Variants in LRRC7 observed in about 807,000 individuals in gnomAD.
LRRC7 encodes the protein leucine-rich repeat-containing protein 7.
A neutral mutation model predicts 175.7 loss-of-function variants in LRRC7; 23 were observed. The observed-to-expected ratio is 0.13, with a 90% confidence interval of 0.09 to 0.19. The LOEUF is 0.19. Ranked by LOEUF, LRRC7 falls within the 10% of genes least tolerant of loss-of-function variation. LRRC7 has a pLI of 1.00. For synonymous variants in LRRC7, 685 were observed against 680.9 expected, an observed-to-expected ratio of 1.01 and a Z score of -0.09; for missense variants, 1,354 against 1,904.7, an observed-to-expected ratio of 0.71 and a Z score of 5.38.
chr1:69,568,714 G>C (rs939294741), intron 1 of LRRC7, 73 bp downstream of exon 1: 185 of 1,178,496 alleles, frequency 1.6e-4, no homozygotes, highest in Admixed American at 1.8e-4. Flanking sequence ...AGGCGCGCGA[G>C]GTGTGGGACC....
At chr1:69,856,597 G>A (rs999834142) in intron 7 of LRRC7, among the ~76,000 whole-genome samples, 14 of 152,242 alleles carry the variant, frequency 9.2e-5, no homozygotes, top group African/African-American at 3.4e-4. Flanking sequence ...CCAATAACAG[G>A]CTGTGAAATT....
intron 8 of LRRC7, among the ~76,000 whole-genome samples, chr1:69,965,651 T>C (rs961125314): frequency 6.6e-6 from 1 of 152,092 alleles, no homozygotes; most frequent in African/African-American, 2.4e-5. Flanking sequence ...CATTTTAATG[T>C]GATGGGCTTC....
At chr1:70,051,152 C>A (rs556432867) in intron 22 of LRRC7, among the ~76,000 whole-genome samples, 1 of 151,980 alleles carries the variant, frequency 6.6e-6, no homozygotes, top group Admixed American at 6.6e-5. Context: ...ATTTGTAATT[C>A]TCAGTTTCTC....
intron 1 of LRRC7, among the ~76,000 whole-genome samples, chr1:69,659,994 A>G (rs894344364): frequency 6.6e-6 from 1 of 152,100 alleles, no homozygotes; most frequent in African/African-American, 2.4e-5. Flanking sequence ...AAATGCAAAT[A>G]TAATATTCTG....
At chr1:69,882,413 T>C (rs1686710743) in intron 7 of LRRC7, among the ~76,000 whole-genome samples, 1 of 152,192 alleles carries the variant, frequency 6.6e-6, no homozygotes, top group Non-Finnish European at 1.5e-5. Context: ...AGTCCCATGT[T>C]CATTGCAGGA....
intron 7 of LRRC7, among the ~76,000 whole-genome samples, chr1:69,916,279 A>G (rs1335414143): frequency 3.7e-5 from 5 of 134,484 alleles, no homozygotes; most frequent in Non-Finnish European, 7.7e-5. Context: ...ATAAATATAT[A>G]TCATATATAT....
In LRRC7 at chr1:70,138,726, A is replaced by G. The variant is rs1445396472; in HGVS notation, c.*16839A>G. 1 of 152,232 alleles carries G rather than the reference A, an allele frequency of 6.6e-6. No individual in the cohort carries two copies. Among genetic ancestry groups the G allele is most frequent in the Admixed American group, 6.5e-5 (1 of 15,284 alleles). The allele number at this position is 152,232 out of a possible 1,614,324, so 9.4% of individuals were successfully genotyped here. A position where few individuals can be genotyped will look rare whatever the true frequency, so the allele number is the denominator to read the frequency against. ...TAGATGTAGTAAAACCATTAAATAC[A>G]GTAGTATCTGGTGGCCTTTCTGTGT... On this transcript the variant is annotated 3_prime_UTR_variant, in exon 27 of 27. Transcript: ENST00000651989.
intron 7 of LRRC7, among the ~76,000 whole-genome samples, chr1:69,878,504 G>A (rs959729913): frequency 6.6e-6 from 1 of 152,124 alleles, no homozygotes; most frequent in Non-Finnish European, 1.5e-5. Flanking sequence ...AGACTTAGGT[G>A]GCATGATGAG....
At chr1:69,915,304 G>T (rs986598597) in intron 7 of LRRC7, among the ~76,000 whole-genome samples, 1 of 152,186 alleles carries the variant, frequency 6.6e-6, no homozygotes, top group Non-Finnish European at 1.5e-5. Context: ...GCAGGCAAAT[G>T]AGGATGATCT....
intron 8 of LRRC7, among the ~76,000 whole-genome samples, chr1:69,970,167 C>T (rs1052922335): frequency 6.6e-6 from 1 of 152,052 alleles, no homozygotes; most frequent in East Asian, 1.9e-4. Flanking sequence ...TAAACACCTT[C>T]ATCAAAAAGT....
At chr1:69,611,834 A>G (rs1270545851) in intron 1 of LRRC7, among the ~76,000 whole-genome samples, 1 of 152,126 alleles carries the variant, frequency 6.6e-6, no homozygotes, top group Non-Finnish European at 1.5e-5. Context: ...TTATAACATG[A>G]TGACACAACA....
In LRRC7 at chr1:70,035,940, T is replaced by C. The variant is rs561552211; in HGVS notation, c.1996-181T>C. Among the ~76,000 whole-genome samples, 3 of 144,132 alleles carry C rather than the reference T, an allele frequency of 2.1e-5. No individual in the cohort carries two copies. The South Asian group carries it at 6.6e-4, about 32-fold the overall frequency. 94.6% of individuals were successfully genotyped at this position (144,132 alleles called of 152,430 possible). A position where few individuals can be genotyped will look rare whatever the true frequency, so the allele number is the denominator to read the frequency against. ...GATGAATAAATGGACTCACTTACAT[T>C]AGAAAAAAAAAATTTAATGCTTAAC... On this transcript the variant is annotated intron_variant, in intron 18 of 26. Transcript: ENST00000651989.
At chr1:69,944,515 A>G (rs1649094728) in intron 8 of LRRC7, among the ~76,000 whole-genome samples, 1 of 152,134 alleles carries the variant, frequency 6.6e-6, no homozygotes, top group Non-Finnish European at 1.5e-5. Context: ...TCTTTTGGAT[A>G]AGTATCCAAA....
chr1:69,636,842 C>T (rs1004977674), intron 1 of LRRC7, among the ~76,000 whole-genome samples: 1 of 151,896 alleles, frequency 6.6e-6, no homozygotes, highest in African/African-American at 2.4e-5. Context: ...ACCAACCATG[C>T]AGTCTGGAAT....
Position 70,122,319 on chromosome 1 carries a change from A to T in LRRC7, c.*432A>T, listed in dbSNP as rs979117633. The T allele has an allele frequency of 2.0e-5, 3 of 153,346 alleles. No individual in the cohort carries two copies. Among genetic ancestry groups the T allele is most frequent in the African/African-American group, 7.2e-5 (3 of 41,478 alleles). 9.5% of individuals were successfully genotyped at this position (153,346 alleles called of 1,614,324 possible). A position where few individuals can be genotyped will look rare whatever the true frequency, so the allele number is the denominator to read the frequency against. On this transcript the variant is annotated 3_prime_UTR_variant, in exon 27 of 27. Transcript: ENST00000651989. ...ATTGTAATTCCCATAAAATATTTCT[A>T]GCACAAGGTATATGTTGGCATATAT... is the stretch of plus-strand genomic sequence containing the variant.
chr1:69,568,216 C>T lies in LRRC7; in HGVS notation c.-424C>T, dbSNP rs916678299. Among the ~76,000 whole-genome samples, 1 of 151,682 alleles carries T rather than the reference C, an allele frequency of 6.6e-6. No individual in the cohort carries two copies. Among genetic ancestry groups the T allele is most frequent in the Non-Finnish European group, 1.5e-5 (1 of 67,910 alleles). On this transcript the variant is annotated 5_prime_UTR_variant, in exon 1 of 27. Transcript: ENST00000651989. ...GATTCGCCTTTCCTGCTTGTCTCTT[C>T]TCCGCCCAGGATTTATTGTCTGTGG...
At chr1:69,798,307 T>A (rs1676046146) in intron 4 of LRRC7, among the ~76,000 whole-genome samples, 1 of 152,134 alleles carries the variant, frequency 6.6e-6, no homozygotes, top group Admixed American at 6.6e-5. Context: ...TTATTTCCTC[T>A]TTCCTCTGAC....
chr1:69,794,349 T>C (rs566035502), intron 4 of LRRC7, among the ~76,000 whole-genome samples: 3 of 152,106 alleles, frequency 2.0e-5, no homozygotes, highest in Non-Finnish European at 4.4e-5. Flanking sequence ...GACACAGACC[T>C]CTTTCTACAC....
Position 70,125,088 on chromosome 1 carries a change from A to G in LRRC7, c.*3201A>G, listed in dbSNP as rs377158334. 7.9e-5 allele frequency among the ~76,000 whole-genome samples: 12 copies of G among 152,366 alleles called. No homozygotes were observed. The East Asian group carries it at 1.5e-3, about 20-fold the overall frequency. On this transcript the variant is annotated 3_prime_UTR_variant, in exon 27 of 27. Coordinates refer to ENST00000651989, the MANE Select transcript of LRRC7 (RefSeq NM_001370785.2). ...CTGATGACAACACAGTAACCTAAAC[A>G]TACATAGTAACTCCAAAGTATAAGT...
Sources: allele counts gnomAD v4.1 joint callset (sites outside exome capture counted in the v4.1 genomes callset), GRCh38; gene constraint gnomAD v4.1.1; transcripts MANE v1.5; gene names NCBI Gene and HGNC (gene_info 2026-07-23, HGNC 2026-07-21).